The following CNTNAP5 variants were observed in gnomAD, a reference collection of about 807,000 sequenced individuals.
CNTNAP5 encodes the protein contactin associated protein family member 5.
A neutral mutation model predicts 150.2 loss-of-function variants in CNTNAP5; 72 were observed. The ratio of observed to expected loss-of-function variants is 0.48; its 90% CI spans 0.40 to 0.58. The LOEUF is 0.58. Ranked by LOEUF, CNTNAP5 falls within the 20% of genes least tolerant of loss-of-function variation. The probability of loss-of-function intolerance (pLI) is 0.00; values close to 1 mark genes in which losing one functional copy is unlikely to be tolerated. For missense variants in CNTNAP5, 1,636 were observed against 1,626.2 expected (o/e 1.01, Z -0.10); for synonymous variants, 672 against 619.8 (o/e 1.08, Z -1.25).
chr2:124,451,077 T>TATATATACACAC (rs755084840), intron 6 of CNTNAP5, among the ~76,000 whole-genome samples: 2 of 61,530 alleles, frequency 3.3e-5, no homozygotes, highest in African/African-American at 7.2e-5. Context: ...TATATATATA[T>TATATATACACAC]ACACACACAC....
intron 13 of CNTNAP5, among the ~76,000 whole-genome samples, chr2:124,668,466 A>T (rs984982869): frequency 2.6e-5 from 4 of 152,162 alleles, no homozygotes; most frequent in African/African-American, 9.7e-5. Context: ...TTGCCCTGGA[A>T]ACTGTGTATC....
At chr2:124,397,146 T>G (rs750594705) in intron 3 of CNTNAP5, among the ~76,000 whole-genome samples, 2 of 152,204 alleles carry the variant, frequency 1.3e-5, no homozygotes, top group Non-Finnish European at 2.9e-5. Context: ...TGAATTTGCA[T>G]AGTGAGCAAG....
intron 1 of CNTNAP5, among the ~76,000 whole-genome samples, chr2:124,075,490 T>TC (rs1410096999): frequency 2.0e-5 from 3 of 152,170 alleles, no homozygotes; most frequent in African/African-American, 7.2e-5. Flanking sequence ...AGCCTGCATG[T>TC]CTACAGTCCC....
intron 10 of CNTNAP5, among the ~76,000 whole-genome samples, chr2:124,528,705 A>C (rs1040538132): frequency 6.6e-6 from 1 of 152,188 alleles, no homozygotes; most frequent in African/African-American, 2.4e-5. Flanking sequence ...AGGACCAGTC[A>C]TGAAGGACTT....
chr2:124,725,025 T>A (rs1294144810), intron 13 of CNTNAP5, among the ~76,000 whole-genome samples: 1 of 151,242 alleles, frequency 6.6e-6, no homozygotes, highest in African/African-American at 2.4e-5. Flanking sequence ...GAGGGTAGTC[T>A]ATTGAGGACA....
intron 13 of CNTNAP5, among the ~76,000 whole-genome samples, chr2:124,707,205 A>AAGAAGAAGAAGAAGAAGAAGAAG (rs879641750): frequency 6.9e-6 from 1 of 145,256 alleles, no homozygotes; most frequent in Non-Finnish European, 1.5e-5. Context: ...GAAGAAGAAG[A>AAGAAGAAGAAGAAGAAGAAGAAG]ATAAACAACT....
chr2:124,266,199 T>G (rs1233971227), intron 3 of CNTNAP5, among the ~76,000 whole-genome samples: 1 of 152,152 alleles, frequency 6.6e-6, no homozygotes, highest in African/African-American at 2.4e-5. Context: ...TGATATTACT[T>G]TTATCTACAG....
intron 1 of CNTNAP5, among the ~76,000 whole-genome samples, chr2:124,160,523 CCT>C (rs1392658296): frequency 8.9e-4 from 5 of 5,638 alleles, no homozygotes; most frequent in Non-Finnish European, 1.6e-3. Flanking sequence ...TCTGTCTTTG[CCT>C]TTTTTTTTTT....
intron 3 of CNTNAP5, among the ~76,000 whole-genome samples, chr2:124,282,552 T>C (rs1216651393): frequency 6.6e-6 from 1 of 152,166 alleles, no homozygotes; most frequent in African/African-American, 2.4e-5. Context: ...GCTGAAAGTT[T>C]CTATTTATTA....
chr2:124,084,881 A>AT (rs1446884285), intron 1 of CNTNAP5, among the ~76,000 whole-genome samples: 2 of 138,102 alleles, frequency 1.4e-5, no homozygotes, highest in African/African-American at 2.7e-5. Context: ...GTGTCTAGAG[A>AT]TTTTTTTGGG....
At chr2:124,338,401 A>G (rs1229194463) in intron 3 of CNTNAP5, among the ~76,000 whole-genome samples, 4 of 152,084 alleles carry the variant, frequency 2.6e-5, no homozygotes, top group Admixed American at 1.3e-4. Context: ...TTCCAACACT[A>G]TGTTGAATAG....
chr2:124,760,262 A>G (rs1680930232), intron 14 of CNTNAP5, among the ~76,000 whole-genome samples: 1 of 151,986 alleles, frequency 6.6e-6, no homozygotes, highest in Non-Finnish European at 1.5e-5. Context: ...TGCCATATAT[A>G]TAACGTTTTA....
intron 16 of CNTNAP5, among the ~76,000 whole-genome samples, chr2:124,768,437 A>G (rs990077440): frequency 6.6e-6 from 1 of 152,156 alleles, no homozygotes; most frequent in Non-Finnish European, 1.5e-5. Context: ...ACTTGGACAC[A>G]CTATAGTTAG....
chr2:124,883,433 A>T (rs1477635109), intron 21 of CNTNAP5, among the ~76,000 whole-genome samples: 1 of 151,954 alleles, frequency 6.6e-6, no homozygotes, highest in Admixed American at 6.6e-5. Flanking sequence ...TTGAGGTGGG[A>T]GATAGGGGCT....
At chr2:124,822,088 A>G (rs1002990367) in intron 19 of CNTNAP5, among the ~76,000 whole-genome samples, 3 of 150,724 alleles carry the variant, frequency 2.0e-5, no homozygotes, top group Non-Finnish European at 4.4e-5. Flanking sequence ...TAGTCCATTT[A>G]TTACAACTGA....
At chr2:124,434,146 A>G (rs1027536778) in intron 4 of CNTNAP5, among the ~76,000 whole-genome samples, 6 of 152,158 alleles carry the variant, frequency 3.9e-5, no homozygotes, top group African/African-American at 1.2e-4. Flanking sequence ...ATCAAGAGAG[A>G]TTATTCTAAG....
intron 17 of CNTNAP5, among the ~76,000 whole-genome samples, chr2:124,788,389 T>C (rs190894408): frequency 3.3e-5 from 5 of 152,298 alleles, no homozygotes; most frequent in Admixed American, 3.3e-4. Context: ...AAGCCTATTG[T>C]GTATTCCACA....
At chr2:124,242,583 C>G (rs1365341032) in intron 3 of CNTNAP5, 190 bp downstream of exon 3, 2 of 517,880 alleles carry the variant, frequency 3.9e-6, no homozygotes, top group Non-Finnish European at 6.6e-6. Flanking sequence ...ATTAGGATGT[C>G]TGTCGCAAAT....
At chr2:124,532,661 A>G (rs1255941049) in intron 10 of CNTNAP5, among the ~76,000 whole-genome samples, 1 of 152,200 alleles carries the variant, frequency 6.6e-6, no homozygotes, top group African/African-American at 2.4e-5. Flanking sequence ...CAGCTTTCAG[A>G]AGCAGCAGGA....
Sources: allele counts gnomAD v4.1 joint callset (sites outside exome capture counted in the v4.1 genomes callset), GRCh38; gene constraint gnomAD v4.1.1; transcripts MANE v1.5; gene names NCBI Gene and HGNC (gene_info 2026-07-23, HGNC 2026-07-21).